The following PTPN18 variants were observed in gnomAD, a reference collection of about 807,000 sequenced individuals.
The protein encoded by PTPN18 is tyrosine-protein phosphatase non-receptor type 18.
PTPN18 carries 65 observed loss-of-function variants against 65.4 expected under a neutral mutation model. The observed-to-expected ratio is 0.99, with a 90% CI of 0.81 to 1.22. PTPN18 has a LOEUF of 1.22. Ranked by LOEUF, PTPN18 falls within the 50% of genes most tolerant of loss-of-function variation. The pLI is 0.00. For missense variants in PTPN18, 616 were observed against 646.5 expected, an observed-to-expected ratio of 0.95 and a Z score of 0.51; for synonymous variants, 255 against 267.8, an observed-to-expected ratio of 0.95 and a Z score of 0.47.
chr2:130,369,967 G>C, intron 7 of PTPN18, 81 bp from the exon 8 acceptor site: 1 of 1,576,032 alleles, frequency 6.3e-7, no homozygotes, highest in Admixed American at 1.7e-5. Context: ...CTAGAAGTGG[G>C]CCTGGTGTAT....
At chr2:130,371,364 C>T in intron 12 of PTPN18, 77 bp downstream of exon 12, 2 of 1,275,438 alleles carry the variant, frequency 1.6e-6, no homozygotes, top group Non-Finnish European at 2.2e-6. Flanking sequence ...GAACACCAGT[C>T]CGTTCCTTGT....
Position 130,358,917 on chromosome 2 carries a change from C to G in PTPN18, c.144C>G (p.Thr48=). Residue 48 remains threonine (T), a synonymous_variant, in exon 2 of 15, where the codon ACC becomes ACG. Coordinates refer to ENST00000175756, the MANE Select transcript of PTPN18 (RefSeq NM_014369.4). ...GGAAGGCTGACGGCGTGTGCTCCAC[C>G]GTGGCCGGCAGTCGGCCAGAGAACG... ...AAWKADGVCS[T]VAGSRPENVR... The G allele has an allele frequency of 4.3e-6, 7 of 1,614,156 alleles. No individual in the cohort carries two copies. The highest frequency in any genetic ancestry group is 5.9e-6 in the Non-Finnish European group (7 of 1,179,996).
At chr2:130,357,605 C>T (rs1680025506) in intron 1 of PTPN18, among the ~76,000 whole-genome samples, 1 of 151,926 alleles carries the variant, frequency 6.6e-6, no homozygotes, top group South Asian at 2.1e-4. Flanking sequence ...GCCTATAATC[C>T]CAGCACTTTG....
chr2:130,361,497 TTC>T (rs1243123851), intron 5 of PTPN18, among the ~76,000 whole-genome samples: 2 of 150,488 alleles, frequency 1.3e-5, no homozygotes, highest in Admixed American at 6.6e-5. Context: ...CCATTTAAAT[TTC>T]TTTCTTTTCT....
rs970641126 is a variant in PTPN18 at position 130,362,917 on chromosome 2, C to T, written c.414+3271C>T. On this transcript the variant is annotated intron_variant, in intron 5 of 14. Coordinates refer to ENST00000175756, the MANE Select transcript of PTPN18 (RefSeq NM_014369.4). ...TCGCTGCAACCTCCGCCTCCCGGGT[C>T]CACGCCATTCTCCTGCCTCAGCCTC... Among the ~76,000 whole-genome samples the T allele has an allele frequency of 2.0e-5, 3 of 151,784 alleles. No homozygotes were observed. In the East Asian group the frequency reaches 5.9e-4, roughly 30 times the overall value.
intron 5 of PTPN18, among the ~76,000 whole-genome samples, chr2:130,364,277 G>A (rs1400414404): frequency 1.3e-5 from 2 of 151,980 alleles, no homozygotes; most frequent in Admixed American, 6.6e-5. Flanking sequence ...CTATGAATTT[G>A]CCTATTCTAG....
chr2:130,360,995 C>T (rs1354166416), intron 5 of PTPN18, among the ~76,000 whole-genome samples: 2 of 152,146 alleles, frequency 1.3e-5, no homozygotes, highest in African/African-American at 4.8e-5. Flanking sequence ...CCACGCCCAA[C>T]TAATTCATTT....
Position 130,370,494 on chromosome 2 carries a change from A to G in PTPN18, c.690-63A>G, listed in dbSNP as rs1382842714. On this transcript the variant is annotated intron_variant, in intron 8 of 14. Transcript: ENST00000175756. ...TCAGGACCCTCACCCCCATCCCCAAATGCCCCATCTAAAAGGGGTTGTGGT... is the reference window on the plus strand; with the variant it reads ...TCAGGACCCTCACCCCCATCCCCAAGTGCCCCATCTAAAAGGGGTTGTGGT... 1.9e-6 allele frequency: 3 copies of G among 1,581,500 alleles called. No homozygotes were observed. In the Admixed American group the frequency reaches 5.0e-5, roughly 26 times the overall value.
intron 8 of PTPN18, 35 bp downstream of exon 8, chr2:130,370,225 G>A (rs1401799890): frequency 6.2e-7 from 1 of 1,604,612 alleles, no homozygotes; most frequent in Non-Finnish European, 8.5e-7. Flanking sequence ...GTCTGGTGAG[G>A]CAGAGGGGAC....
At position 130,365,469 on chromosome 2, in the gene PTPN18, C is replaced by T. The variant is rs984425287; in HGVS notation, c.415-3664C>T. On this transcript the variant is annotated intron_variant, in intron 5 of 14. Coordinates refer to ENST00000175756, the MANE Select transcript of PTPN18 (RefSeq NM_014369.4). Reference sequence around the variant, plus strand: ...TGTCTTTTTATTATTGAGTTGTAAGCGTTATTCTGTATATAAGTCCCTTAT... The same window carrying T: ...TGTCTTTTTATTATTGAGTTGTAAGTGTTATTCTGTATATAAGTCCCTTAT... Among the ~76,000 whole-genome samples the T allele has an allele frequency of 8.5e-5, 13 of 152,180 alleles. No individual in the cohort carries two copies. The East Asian group carries it at 9.7e-4, about 11-fold the overall frequency.
chr2:130,372,943 G>A lies in PTPN18; in HGVS notation c.1311G>A (p.Gly437=), dbSNP rs373527704. 6.2e-7 allele frequency: 1 copy of A among 1,614,126 alleles called. No individual in the cohort carries two copies. Among genetic ancestry groups the A allele is most frequent in the Non-Finnish European group, 8.5e-7 (1 of 1,180,016 alleles). ...EDVAGGAQTG[G]LGFNLRIGRP... The stretch of plus-strand genomic sequence containing the variant: ...TGGCGGGTGGAGCTCAGACCGGTGG[G>A]CTAGGTAAGTCAGGTAGAGCCTGGG... The change falls in exon 14 of 15, where the codon GGG becomes GGA. Residue 437 remains glycine, a synonymous_variant. Coordinates refer to ENST00000175756, the MANE Select transcript of PTPN18 (RefSeq NM_014369.4).
chr2:130,363,010 G>A (rs1483669602), intron 5 of PTPN18, among the ~76,000 whole-genome samples: 7 of 151,264 alleles, frequency 4.6e-5, no homozygotes, highest in Admixed American at 2.0e-4. Flanking sequence ...TAGTAGAGAC[G>A]GGGTTTCACC....
chr2:130,369,028 G>A (rs981424085), intron 5 of PTPN18, 105 bp from the exon 6 acceptor site: 2 of 928,332 alleles, frequency 2.2e-6, no homozygotes, highest in Non-Finnish European at 3.4e-6. Flanking sequence ...ATAGCTGCCT[G>A]TGCTTCCACC....
rs534905135 is a variant in PTPN18 at position 130,374,307 on chromosome 2, C to T, written c.*1083C>T. The T allele has an allele frequency of 4.1e-6, 1 of 245,602 alleles. No individual in the cohort carries two copies. Among genetic ancestry groups the T allele is most frequent in the Non-Finnish European group, 8.3e-6 (1 of 121,212 alleles). The allele number at this position is 245,602 out of a possible 1,614,324, so 15.2% of individuals were successfully genotyped here. A position where few individuals can be genotyped will look rare whatever the true frequency, so the allele number is the denominator to read the frequency against. On this transcript the variant is annotated 3_prime_UTR_variant, in exon 15 of 15. Transcript: ENST00000175756. Reference sequence around the variant, plus strand: ...ACTGACCCCTTACTATTCACACAGCCTGCCGAGTAGCTGGGACTACAGGTC... The same window carrying T: ...ACTGACCCCTTACTATTCACACAGCTTGCCGAGTAGCTGGGACTACAGGTC...
In PTPN18 at chr2:130,358,580, G is replaced by A. The variant is rs556658131; in HGVS notation, c.94-287G>A. On this transcript the variant is annotated intron_variant, in intron 1 of 14. Transcript: ENST00000175756. ...TCCACAAGTCGCTGAACCACGTGGT[G>A]CATAAACTTTCCCGCCTGCACAATG... Among the ~76,000 whole-genome samples the A allele has an allele frequency of 3.3e-5, 5 of 152,236 alleles. No homozygotes were observed. In the East Asian group the frequency reaches 5.8e-4, roughly 18 times the overall value.
intron 1 of PTPN18, among the ~76,000 whole-genome samples, chr2:130,358,390 C>T (rs1394768406): frequency 6.6e-6 from 1 of 152,164 alleles, no homozygotes; most frequent in Non-Finnish European, 1.5e-5. Context: ...ATTATAATGC[C>T]TATGCATTCA....
intron 5 of PTPN18, among the ~76,000 whole-genome samples, chr2:130,366,599 T>C (rs1680388214): frequency 6.6e-6 from 1 of 152,242 alleles, no homozygotes; most frequent in Non-Finnish European, 1.5e-5. Context: ...GCCAGGGTAA[T>C]ACTAGCCTCA....
At chr2:130,362,881 G>A (rs1452894044) in intron 5 of PTPN18, among the ~76,000 whole-genome samples, 3 of 151,912 alleles carry the variant, frequency 2.0e-5, no homozygotes, top group Non-Finnish European at 4.4e-5. Flanking sequence ...GTGCAATGGC[G>A]CGATCTCAGC....
Position 130,359,393 on chromosome 2 carries a change from C to A in PTPN18, c.280-4C>A. 6.2e-7 allele frequency: 1 copy of A among 1,614,180 alleles called. No homozygotes were observed. The highest frequency in any genetic ancestry group is 8.5e-7 in the Non-Finnish European group (1 of 1,180,026). On this transcript the variant is annotated splice_region_variant and splice_polypyrimidine_tract_variant and intron_variant, in intron 3 of 14. Coordinates refer to ENST00000175756, the MANE Select transcript of PTPN18 (RefSeq NM_014369.4). Reference sequence around the variant, plus strand: ...ATCTCAGTCGTGAATTCGGCCTTCACCAGGGCGTGGATGGAAGCCTGGCCT... The same window carrying A: ...ATCTCAGTCGTGAATTCGGCCTTCAACAGGGCGTGGATGGAAGCCTGGCCT...
Sources: gnomAD v4.1 joint callset for allele counts (sites outside exome capture counted in the v4.1 genomes callset) on GRCh38, gnomAD v4.1.1 for gene constraint, MANE v1.5 for transcripts, NCBI Gene and HGNC (gene_info 2026-07-23, HGNC 2026-07-21) for gene names.